Variants in PCDHGA6 observed in about 807,000 individuals in gnomAD.
PCDHGA6 encodes protocadherin gamma-A6.
A neutral mutation model predicts 60.6 loss-of-function variants in PCDHGA6; 41 were observed. The ratio of observed to expected loss-of-function variants is 0.68; its 90% CI spans 0.53 to 0.88. PCDHGA6 has a LOEUF of 0.88. Among genes scored for constraint, PCDHGA6 ranks in the 40% least tolerant of loss-of-function variants. The pLI, the probability that PCDHGA6 is intolerant of heterozygous loss-of-function variation, is 0.00. For missense variants in PCDHGA6, 1,312 were observed against 1,203.0 expected (o/e 1.09, Z -1.34); for synonymous variants, 594 against 524.4 (o/e 1.13, Z -1.81).
rs377389968 is a variant in PCDHGA6, at chr5:141,404,840, C to T, written c.2424+28333C>T. On this transcript the variant is annotated intron_variant, in intron 1 of 3. Coordinates refer to ENST00000517434, the MANE Select transcript of PCDHGA6 (RefSeq NM_018919.3). Reference sequence around the variant, plus strand: ...GCACACAGGTGAAGTGCGCACAGCTCGGGCCCTGCTAGATAGAGATGCGCT... The same window carrying T: ...GCACACAGGTGAAGTGCGCACAGCTTGGGCCCTGCTAGATAGAGATGCGCT... 3.5e-5 allele frequency: 57 copies of T among 1,613,700 alleles called. No individual in the cohort carries two copies. The African/African-American group carries it at 6.3e-4, about 18-fold the overall frequency.
At chr5:141,405,130 G>A in intron 1 of PCDHGA6, 1 of 1,614,012 alleles carries the variant, frequency 6.2e-7, no homozygotes, top group South Asian at 1.1e-5. Flanking sequence ...ATCTGCTGCG[G>A]GCTACCAGTG....
chr5:141,425,015 A>G (rs1285592254), intron 1 of PCDHGA6, among the ~76,000 whole-genome samples: 2 of 152,190 alleles, frequency 1.3e-5, no homozygotes, highest in East Asian at 3.8e-4. Context: ...TCATTTAGGA[A>G]TTTACCTTAT....
At chr5:141,506,805 G>A (rs1314432893) in intron 3 of PCDHGA6, among the ~76,000 whole-genome samples, 1 of 152,172 alleles carries the variant, frequency 6.6e-6, no homozygotes, top group African/African-American at 2.4e-5. Flanking sequence ...GAGGATCAAG[G>A]CATTGCCCTA....
chr5:141,432,874 G>A lies in PCDHGA6; in HGVS notation c.2424+56367G>A, dbSNP rs2097545539. 2 of 1,614,176 alleles carry A rather than the reference G, an allele frequency of 1.2e-6. No homozygotes were observed. The highest frequency in any genetic ancestry group is 1.7e-6 in the Non-Finnish European group (2 of 1,180,014). Reference sequence around the variant, plus strand: ...TGGCCGCGGTCTCCTGCGTCTTCCTGGCCTTCGTCATCTTGCTGCTGGCGC... The same window carrying A: ...TGGCCGCGGTCTCCTGCGTCTTCCTAGCCTTCGTCATCTTGCTGCTGGCGC... On this transcript the variant is annotated intron_variant, in intron 1 of 3. Transcript: ENST00000517434. This position sits in a 1 kb window ranked among gnomAD's most constrained non-coding sequence, Gnocchi z 6.0.
chr5:141,422,092 G>A (rs2154549502), intron 1 of PCDHGA6: 6 of 1,611,520 alleles, frequency 3.7e-6, no homozygotes, highest in Non-Finnish European at 5.1e-6. Flanking sequence ...GGAAAGCAAG[G>A]CTTCTGAAAT....
At chr5:141,426,374 C>G (rs908991939) in intron 1 of PCDHGA6, 2 of 219,094 alleles carry the variant, frequency 9.1e-6, no homozygotes, top group East Asian at 1.0e-4. Flanking sequence ...GGGGCACCCT[C>G]GGAGCAGATC....
chr5:141,400,345 A>C lies in PCDHGA6; in HGVS notation c.2424+23838A>C, dbSNP rs757500171. On this transcript the variant is annotated intron_variant, in intron 1 of 3. Transcript: ENST00000517434. ...TGGACCTGTGGTTCCCCCCAACTACAGTCAGGGGACTTTGCCTTATTCCTA... is the reference window on the plus strand; with the variant it reads ...TGGACCTGTGGTTCCCCCCAACTACCGTCAGGGGACTTTGCCTTATTCCTA... 1.9e-6 allele frequency: 3 copies of C among 1,614,040 alleles called. No homozygotes were observed. In the South Asian group the frequency reaches 3.3e-5, roughly 18 times the overall value.
At chr5:141,464,430 T>C (rs1213919443) in intron 1 of PCDHGA6, among the ~76,000 whole-genome samples, 1 of 151,680 alleles carries the variant, frequency 6.6e-6, no homozygotes, top group Non-Finnish European at 1.5e-5. Flanking sequence ...TATATAGATA[T>C]ATATGTTTGT....
At chr5:141,437,249 T>G (rs2097870737) in intron 1 of PCDHGA6, among the ~76,000 whole-genome samples, 1 of 152,240 alleles carries the variant, frequency 6.6e-6, no homozygotes, top group African/African-American at 2.4e-5. Context: ...GGACTTTCCT[T>G]GTCTTTTTAT....
At chr5:141,457,555 C>A (rs1425159883) in intron 1 of PCDHGA6, among the ~76,000 whole-genome samples, 2 of 152,168 alleles carry the variant, frequency 1.3e-5, no homozygotes. Context: ...GTATGATAAG[C>A]TTTGGAGCAA....
chr5:141,388,424 GATAA>G, intron 1 of PCDHGA6: 1 of 1,613,812 alleles, frequency 6.2e-7, no homozygotes, highest in Non-Finnish European at 8.5e-7. Context: ...ATTTCTCACT[GATAA>G]ATAAAGAGAA....
At chr5:141,415,736 TA>T in intron 1 of PCDHGA6, 1 of 1,289,980 alleles carries the variant, frequency 7.8e-7, no homozygotes, top group South Asian at 1.8e-5. Context: ...TGATGTTTAT[TA>T]AGGTTTTTTT....
At chr5:141,392,837 C>T (rs772636303) in intron 1 of PCDHGA6, 1 of 1,608,294 alleles carries the variant, frequency 6.2e-7, no homozygotes. Context: ...AGAGTCGCCC[C>T]AGACGCGGCG....
At position 141,409,100 on chromosome 5, in the gene PCDHGA6, A is replaced by G. The variant is rs1341878280; in HGVS notation, c.2424+32593A>G. ...GTTCTCATTGGATGAGAAAACAGGT[A>G]TGATTAAGAATAACCAGTCATTTGA... is the stretch of plus-strand genomic sequence containing the variant. On this transcript the variant is annotated intron_variant, in intron 1 of 3. Transcript: ENST00000517434. The G allele has an allele frequency of 6.8e-6, 11 of 1,613,934 alleles. No homozygotes were observed. In the Admixed American group the frequency reaches 1.0e-4, roughly 15 times the overall value.
At chr5:141,414,117 A>T (rs764001135) in intron 1 of PCDHGA6, 2 of 1,592,602 alleles carry the variant, frequency 1.3e-6, no homozygotes, top group Non-Finnish European at 1.7e-6. Flanking sequence ...TAGATTATGA[A>T]GAAACCGGTT....
chr5:141,386,789 A>G lies in PCDHGA6; in HGVS notation c.2424+10282A>G, dbSNP rs144966256. Among the ~76,000 whole-genome samples the G allele has an allele frequency of 8.8e-3, 1,344 of 152,342 alleles. 18 individuals carry two copies. Among genetic ancestry groups the G allele is most frequent in the African/African-American group, 0.031 (1,269 of 41,584 alleles). On this transcript the variant is annotated intron_variant, in intron 1 of 3. Coordinates refer to ENST00000517434, the MANE Select transcript of PCDHGA6 (RefSeq NM_018919.3). ...GTATTTTGTAAAAGAAAATCTCCTG[A>G]CCAAAATTTATTAGATGCATAAAAT...
At chr5:141,401,838 T>C in intron 1 of PCDHGA6, among the ~76,000 whole-genome samples, 1 of 152,232 alleles carries the variant, frequency 6.6e-6, no homozygotes, top group East Asian at 1.9e-4. Context: ...TTTCTTATAA[T>C]ACCACTTACT....
chr5:141,456,426 A>G (rs2098857765), intron 1 of PCDHGA6, among the ~76,000 whole-genome samples: 1 of 152,210 alleles, frequency 6.6e-6, no homozygotes, highest in Non-Finnish European at 1.5e-5. Context: ...AATTCAAGTT[A>G]TAGTATTGAG....
intron 2 of PCDHGA6, among the ~76,000 whole-genome samples, chr5:141,504,451 G>A (rs2099838355): frequency 1.3e-5 from 2 of 152,070 alleles, no homozygotes; most frequent in South Asian, 4.2e-4. Context: ...CTAGTGCCAT[G>A]TGGGGCAGCC....
Sources: allele counts gnomAD v4.1 joint callset (sites outside exome capture counted in the v4.1 genomes callset), GRCh38; gene constraint gnomAD v4.1.1; non-coding constraint Gnocchi (gnomAD v3.1); transcripts MANE v1.5; gene names NCBI Gene and HGNC (gene_info 2026-07-23, HGNC 2026-07-21).